ILDR1: variants seen among roughly 807,000 people sequenced by gnomAD.
ILDR1 encodes immunoglobulin like domain containing receptor 1.
Under a neutral mutation model 62.4 loss-of-function variants are expected in ILDR1, and 56 were observed. That is an observed-to-expected ratio of 0.90 (90% confidence interval 0.72 to 1.12). ILDR1 has a LOEUF of 1.12. Among genes scored for constraint, ILDR1 ranks in the 50% most tolerant of loss-of-function variants. The pLI is 0.00. For synonymous variants in ILDR1, 284 were observed against 277.8 expected (o/e 1.02, Z -0.22); for missense variants, 736 against 710.6 (o/e 1.04, Z -0.41).
At chr3:122,041,957 G>T in the ILDR1 span, among the ~76,000 whole-genome samples, 1 of 139,560 alleles carries the variant, frequency 7.2e-6, no homozygotes. Context: ...GGGTACATGT[G>T]CACATTGTGC....
chr3:121,993,008 G>A, intron 7 of ILDR1, 142 bp downstream of exon 7: 1 of 733,430 alleles, frequency 1.4e-6, no homozygotes, highest in Non-Finnish European at 2.4e-6. Flanking sequence ...AGTCCACCTA[G>A]CCCACAGTGT....
At chr3:122,018,568 C>T (rs2107679614) in intron 1 of ILDR1, among the ~76,000 whole-genome samples, 1 of 152,028 alleles carries the variant, frequency 6.6e-6, no homozygotes, top group Admixed American at 6.5e-5. Flanking sequence ...AAACCTGCTC[C>T]ACAGTATGAA....
At chr3:122,042,708 G>A in the ILDR1 span, among the ~76,000 whole-genome samples, 1 of 152,174 alleles carries the variant, frequency 6.6e-6, no homozygotes, top group Admixed American at 6.5e-5. Flanking sequence ...CTGCATAAAT[G>A]TCTTCTTTTG....
chr3:122,023,753 G>A (rs546680510), upstream of ILDR1, among the ~76,000 whole-genome samples: 4 of 152,178 alleles, frequency 2.6e-5, no homozygotes, highest in East Asian at 5.8e-4. Flanking sequence ...AAAATGTTTA[G>A]GAGCCTCATA....
At chr3:122,045,643 T>C in the ILDR1 span, among the ~76,000 whole-genome samples, 2 of 151,724 alleles carry the variant, frequency 1.3e-5, no homozygotes, top group Admixed American at 6.6e-5. Flanking sequence ...TAGCTCCTCT[T>C]GTTGAATTGA....
Position 122,010,522 on chromosome 3 carries a change from G to A in ILDR1, c.59-3361C>T, listed in dbSNP as rs186887080. 1.3e-3 allele frequency among the ~76,000 whole-genome samples: 201 copies of A among 152,266 alleles called. 1 individual carries two copies. The highest frequency in any genetic ancestry group is 3.4e-3 in the Middle Eastern group (1 of 294). ...TCAGGCCAATTAGAATGGAAGGGCC[G>A]GTGACCAGCATCTCAAGCCTAACAT... On this transcript the variant is annotated intron_variant, in intron 1 of 7. Coordinates refer to ENST00000344209, the MANE Select transcript of ILDR1 (RefSeq NM_001199799.2).
chr3:121,995,300 G>C (rs186923865), intron 5 of ILDR1, among the ~76,000 whole-genome samples: 1 of 152,178 alleles, frequency 6.6e-6, no homozygotes, highest in Non-Finnish European at 1.5e-5. Flanking sequence ...TGTGAACGAG[G>C]TTAGGCCCCA....
chr3:122,020,672 A>C (rs1309271164), intron 1 of ILDR1, among the ~76,000 whole-genome samples: 1 of 152,252 alleles, frequency 6.6e-6, no homozygotes, highest in Non-Finnish European at 1.5e-5. Flanking sequence ...GGGGAGCCAC[A>C]GGAGAGAAGA....
chr3:122,024,858 T>C (rs755145918), upstream of ILDR1, among the ~76,000 whole-genome samples: 8 of 152,244 alleles, frequency 5.3e-5, no homozygotes, highest in Non-Finnish European at 1.0e-4. Flanking sequence ...GCTATTAATA[T>C]ATTTCCATCT....
intron 1 of ILDR1, among the ~76,000 whole-genome samples, chr3:122,019,396 C>T (rs2071825590): frequency 6.6e-6 from 1 of 151,872 alleles, no homozygotes; most frequent in African/African-American, 2.4e-5. Context: ...TATATGTGTG[C>T]ATACATGTCA....
the ILDR1 span, among the ~76,000 whole-genome samples, chr3:122,052,617 AGGCTGGAGTGCAATGGCGCAATCTC>A: frequency 6.6e-6 from 1 of 152,168 alleles, no homozygotes; most frequent in South Asian, 2.1e-4. Flanking sequence ...TTCTTCGCCC[AGGCTGGAGTGCAATGGCGCAATCTC>A]GGCTCACTGC....
At position 122,005,268 on chromosome 3, in the gene ILDR1, G is replaced by T. The variant is rs374286775; in HGVS notation, c.355C>A (p.Gln119Lys). 2 of 1,610,498 alleles carry T rather than the reference G, an allele frequency of 1.2e-6. No individual in the cohort carries two copies. The highest frequency in any genetic ancestry group is 2.7e-5 in the African/African-American group (2 of 73,728). The change falls in exon 3 of 8, where the codon CAG (glutamine) becomes AAG (lysine). Residue 119 changes from glutamine (Q) to lysine (K), a missense_variant. Gln to Lys is a moderately conservative substitution (Grantham distance 53). Coordinates refer to ENST00000344209, the MANE Select transcript of ILDR1 (RefSeq NM_001199799.2). Reference protein sequence around the residue: ...NEPVLGVDYRQRKITIQNRAD... With the variant: ...NEPVLGVDYRKRKITIQNRAD... ...CGGTTCTGGATGGTGATCTTGCGCT[G>T]CCGGTAATCTACCCCCAGCACGGGC...
At chr3:122,026,292 T>C (rs2071920970), upstream of ILDR1, among the ~76,000 whole-genome samples, 1 of 152,146 alleles carries the variant, frequency 6.6e-6, no homozygotes, top group African/African-American at 2.4e-5. Flanking sequence ...GGGAGACTAG[T>C]TAGGAAACTG....
chr3:122,016,433 C>T (rs2071778041), intron 1 of ILDR1, among the ~76,000 whole-genome samples: 1 of 152,178 alleles, frequency 6.6e-6, no homozygotes, highest in African/African-American at 2.4e-5. Context: ...ATTTGCTAAA[C>T]AAAAGAACAG....
In ILDR1 at chr3:121,994,237, C is replaced by A. The variant is rs536839975; in HGVS notation, c.723G>T (p.Gly241=). 6.4e-5 allele frequency: 98 copies of A among 1,536,104 alleles called. No homozygotes were observed. Among genetic ancestry groups the A allele is most frequent in the Non-Finnish European group, 8.1e-5 (93 of 1,146,894 alleles). ...PQMMGKPLYW[G]ADRSSQVSSY... is the part of the protein sequence containing the mutation. The stretch of plus-strand genomic sequence containing the variant: ...ATGAAACCTGGGAGCTCCTGTCCGC[C>A]CCCCAGTACAGGGGTTTTCCCATCA... Residue 241 remains glycine (G), a synonymous_variant, in exon 6 of 8, where the codon GGG becomes GGT. Coordinates refer to ENST00000344209, the MANE Select transcript of ILDR1 (RefSeq NM_001199799.2).
intron 5 of ILDR1, among the ~76,000 whole-genome samples, chr3:122,000,305 G>A (rs1330842659): frequency 4.6e-5 from 7 of 150,908 alleles, no homozygotes; most frequent in African/African-American, 1.7e-4. Context: ...CTGACCTCTG[G>A]AGAGGGGAGA....
intron 6 of ILDR1, 80 bp downstream of exon 6, chr3:121,994,102 G>C: frequency 6.6e-7 from 1 of 1,516,696 alleles, no homozygotes; most frequent in Non-Finnish European, 8.9e-7. Context: ...TGCCGCATCG[G>C]TCACAGAGGT....
Position 121,997,484 on chromosome 3 carries a change from C to G in ILDR1, c.647-3171G>C, listed in dbSNP as rs142712882. On this transcript the variant is annotated intron_variant, in intron 5 of 7. Transcript: ENST00000344209. ...CTCTATAGCAGCAGGTTAAACATTC[C>G]CCACCTCTTAGGTCTTCCCCTGCCT... 1.7e-3 allele frequency among the ~76,000 whole-genome samples: 258 copies of G among 152,296 alleles called. 2 individuals are homozygous for G. The highest frequency in any genetic ancestry group is 0.014 in the Middle Eastern group (4 of 294).
the ILDR1 span, among the ~76,000 whole-genome samples, chr3:122,039,405 C>T: frequency 6.6e-6 from 1 of 151,972 alleles, no homozygotes; most frequent in African/African-American, 2.4e-5. Context: ...AAAGATATTA[C>T]ACGTAGAAAA....
Sources: gnomAD v4.1 joint callset for allele counts (sites outside exome capture counted in the v4.1 genomes callset) on GRCh38, gnomAD v4.1.1 for gene constraint, MANE v1.5 for transcripts, NCBI Gene and HGNC (gene_info 2026-07-23, HGNC 2026-07-21) for gene names.